COL6A3: variants seen among roughly 807,000 people sequenced by gnomAD.
COL6A3 encodes collagen type VI alpha 3 chain.
A neutral mutation model predicts 274.1 loss-of-function variants in COL6A3; 137 were observed. The observed-to-expected ratio is 0.50, with a 90% CI of 0.44 to 0.58. The LOEUF is 0.58. Ranked by LOEUF, COL6A3 falls within the 20% of genes least tolerant of loss-of-function variation. The probability of loss-of-function intolerance (pLI) is 0.00; values close to 1 mark genes in which losing one functional copy is unlikely to be tolerated. For synonymous variants in COL6A3, 1,650 were observed against 1,650.6 expected (o/e 1.00, Z 0.01); for missense variants, 3,950 against 4,124.9 (o/e 0.96, Z 1.16).
chr2:237,393,870 C>A (rs546199988), intron 3 of COL6A3, among the ~76,000 whole-genome samples: 67 of 152,248 alleles, frequency 4.4e-4, no homozygotes, highest in African/African-American at 1.6e-3. Flanking sequence ...ATGCAATGTC[C>A]GTGTGCTCTC....
chr2:237,347,955 G>C, intron 30 of COL6A3, 86 bp from the exon 31 acceptor site: 1 of 1,258,486 alleles, frequency 7.9e-7, no homozygotes, highest in South Asian at 1.3e-5. Context: ...TCCAGGAGAC[G>C]TGTGGGTCAC....
chr2:237,393,660 C>A (rs1574752765), intron 3 of COL6A3, among the ~76,000 whole-genome samples: 1 of 152,190 alleles, frequency 6.6e-6, no homozygotes, highest in East Asian at 1.9e-4. Context: ...GGTCCCTCTG[C>A]TCTGCCCATC....
intron 41 of COL6A3, among the ~76,000 whole-genome samples, 192 bp from the exon 42 acceptor site, chr2:237,333,740 T>C (rs957521512): frequency 1.3e-4 from 20 of 152,312 alleles, no homozygotes; most frequent in African/African-American, 4.8e-4. Flanking sequence ...ATCCATGAGC[T>C]AATAAGCGAC....
intron 1 of COL6A3, among the ~76,000 whole-genome samples, chr2:237,410,022 C>G (rs978344281): frequency 2.0e-5 from 3 of 152,182 alleles, no homozygotes; most frequent in Admixed American, 6.5e-5. Flanking sequence ...AAACAAAGCT[C>G]TAACGTATGT....
rs34558385 is a variant in COL6A3, at chr2:237,341,074, G to A, written c.7842C>T (p.Ser2614=). ...TGAAAGCCATGTCGATGTCCACATC[G>A]CTCCCTGCCGCTCTCCTGTCCCTGA... ...PSFRDRRAAG[S]DVDIDMAFIL... Residue 2614 remains serine, a synonymous_variant, in exon 38 of 44, where the codon AGC becomes AGT. Transcript: ENST00000295550. The A allele has an allele frequency of 0.094, 152,456 of 1,613,912 alleles. 8,130 individuals carry two copies. The highest frequency in any genetic ancestry group is 0.11 in the Non-Finnish European group (126,957 of 1,179,970).
chr2:237,411,879 G>T (rs1574789473), intron 1 of COL6A3, among the ~76,000 whole-genome samples: 3 of 152,042 alleles, frequency 2.0e-5, no homozygotes, highest in African/African-American at 7.2e-5. Context: ...GGAAAGAGCG[G>T]GGCCAAGGGC....
intron 1 of COL6A3, among the ~76,000 whole-genome samples, chr2:237,398,426 T>C (rs1298050214): frequency 1.3e-5 from 2 of 152,156 alleles, no homozygotes; most frequent in East Asian, 1.9e-4. Flanking sequence ...TGTGACAGCC[T>C]CTTCACTCTC....
chr2:237,375,989 CTT>C (rs2077828204), intron 7 of COL6A3, among the ~76,000 whole-genome samples: 1 of 152,204 alleles, frequency 6.6e-6, no homozygotes, highest in Non-Finnish European at 1.5e-5. Context: ...CAAGAAAAAA[CTT>C]GGGATGGGAG....
intron 23 of COL6A3, chr2:237,355,478 T>C (rs145112409): frequency 4.0e-3 from 606 of 152,994 alleles, no homozygotes; most frequent in South Asian, 8.0e-3. Flanking sequence ...GGCTCACGAC[T>C]TGGCAACATC....
rs746340926 is a variant in COL6A3, at chr2:237,396,823, A to G, written c.-6T>C. 1.9e-5 allele frequency: 31 copies of G among 1,613,782 alleles called. No individual in the cohort carries two copies. Among genetic ancestry groups the G allele is most frequent in the Non-Finnish European group, 2.5e-5 (30 of 1,179,752 alleles). ...AAGTGCCGATGTTTCCTCATTTTGA[A>G]TTTGTCTAAGCACCAAATATGAACC... On this transcript the variant is annotated 5_prime_UTR_variant, in exon 2 of 44. Transcript: ENST00000295550.
At chr2:237,379,275 C>A (rs936130527) in intron 5 of COL6A3, 40 bp from the exon 6 acceptor site, 7 of 1,613,598 alleles carry the variant, frequency 4.3e-6, no homozygotes, top group Non-Finnish European at 5.9e-6. Flanking sequence ...ACATACACAA[C>A]CACGGAGAGT....
rs1344701896 is a variant in COL6A3, at chr2:237,413,465, C to A, written c.-31+488G>T. On this transcript the variant is annotated intron_variant, in intron 1 of 43. Transcript: ENST00000295550. This position sits in a 1 kb window ranked among gnomAD's most constrained non-coding sequence, Gnocchi z 4.0. ...TGCTCCACCAGGACCTTCCCATGGG[C>A]GGCCCTGGGCAGAAAACCCATGCAG... Among the ~76,000 whole-genome samples, 1 of 152,182 alleles carries A rather than the reference C, an allele frequency of 6.6e-6. No homozygotes were observed. Among genetic ancestry groups the A allele is most frequent in the Admixed American group, 6.5e-5 (1 of 15,288 alleles).
chr2:237,329,660 T>A (rs1700121500), intron 42 of COL6A3: 1 of 152,242 alleles, frequency 6.6e-6, no homozygotes, highest in South Asian at 2.1e-4. Flanking sequence ...TTATGCTAAT[T>A]GATGATATAT....
chr2:237,370,529 G>A (rs991453143), intron 9 of COL6A3, among the ~76,000 whole-genome samples: 3 of 152,098 alleles, frequency 2.0e-5, no homozygotes, highest in Admixed American at 1.3e-4. Flanking sequence ...GAGCCACCAC[G>A]CCCAGCCTAG....
rs890834309 is a variant in COL6A3, at chr2:237,413,351, G to A, written c.-31+602C>T. On this transcript the variant is annotated intron_variant, in intron 1 of 43. Coordinates refer to ENST00000295550, the MANE Select transcript of COL6A3 (RefSeq NM_004369.4). The surrounding 1 kb of genome is among the most constrained non-coding windows in gnomAD (Gnocchi z 4.0). ...AGAGACTTCAGGTTCCTGGAAAGAC[G>A]AAAGCTTGACGGCAATGACTGAGCG... is the stretch of plus-strand genomic sequence containing the variant. 3.3e-5 allele frequency among the ~76,000 whole-genome samples: 5 copies of A among 152,252 alleles called. No homozygotes were observed. Among genetic ancestry groups the A allele is most frequent in the Non-Finnish European group, 5.9e-5 (4 of 68,044 alleles).
At chr2:237,336,013 G>T (rs1045953539) in intron 40 of COL6A3, 122 bp downstream of exon 40, 1 of 1,240,892 alleles carries the variant, frequency 8.1e-7, no homozygotes, top group Non-Finnish European at 1.1e-6. Context: ...ACATCATCCA[G>T]GTGTACAAGC....
intron 1 of COL6A3, among the ~76,000 whole-genome samples, chr2:237,411,359 T>C (rs72988103): frequency 6.0e-4 from 91 of 152,292 alleles, no homozygotes; most frequent in Non-Finnish European, 8.8e-5. Context: ...ATTTCACATA[T>C]AAGTGGGAGG....
intron 40 of COL6A3, among the ~76,000 whole-genome samples, chr2:237,335,143 C>T (rs866077367): frequency 6.6e-6 from 1 of 152,006 alleles, no homozygotes; most frequent in Non-Finnish European, 1.5e-5. Context: ...TTAAAAATCT[C>T]GCCTGTTAAG....
At position 237,388,108 on chromosome 2, in the gene COL6A3, G is replaced by A. The variant is rs111481402; in HGVS notation, c.786C>T (p.Leu262=). ...NTGSVNFAVI[L]DFLVNLLEKL... The stretch of plus-strand genomic sequence containing the variant: ...TCTCAAGGAGATTTACAAGGAAGTC[G>A]AGAATGACTGCGAAATTGACACTTC... Residue 262 remains leucine, a synonymous_variant, in exon 4 of 44, where the codon CTC becomes CTT. Coordinates refer to ENST00000295550, the MANE Select transcript of COL6A3 (RefSeq NM_004369.4). The A allele has an allele frequency of 5.8e-4, 934 of 1,614,064 alleles. No homozygotes were observed. Among genetic ancestry groups the A allele is most frequent in the Non-Finnish European group, 7.3e-4 (857 of 1,180,048 alleles).
Sources: gnomAD v4.1 joint callset for allele counts (sites outside exome capture counted in the v4.1 genomes callset) on GRCh38, gnomAD v4.1.1 for gene constraint, Gnocchi (gnomAD v3.1) non-coding constraint, MANE v1.5 for transcripts, NCBI Gene and HGNC (gene_info 2026-07-23, HGNC 2026-07-21) for gene names.